Variants in SRSF4 observed in about 807,000 individuals in gnomAD.
The protein encoded by SRSF4 is serine/arginine-rich splicing factor 4.
A neutral mutation model predicts 48.8 loss-of-function variants in SRSF4; 12 were observed. The observed-to-expected ratio is 0.25, with a 90% CI of 0.16 to 0.40. The LOEUF is 0.40. Ranked by LOEUF, SRSF4 falls within the 10% of genes least tolerant of loss-of-function variation. The pLI is 1.00. For missense variants in SRSF4, 466 were observed against 667.1 expected (o/e 0.70, Z 3.32); for synonymous variants, 248 against 232.5 (o/e 1.07, Z -0.61).
chr1:29,154,120 C>T (rs1011679495), intron 4 of SRSF4, among the ~76,000 whole-genome samples: 1 of 152,078 alleles, frequency 6.6e-6, no homozygotes, highest in African/African-American at 2.4e-5. Flanking sequence ...ATGGCACAAT[C>T]TCGGCTCACT....
At chr1:29,166,271 TAA>T (rs767276706) in intron 1 of SRSF4, among the ~76,000 whole-genome samples, 12 of 152,130 alleles carry the variant, frequency 7.9e-5, no homozygotes, top group Non-Finnish European at 1.3e-4. Context: ...TCTTATGAGG[TAA>T]AAAGTCAGGA....
At position 29,154,917 on chromosome 1, in the gene SRSF4, A is replaced by G. The variant is rs919868529; in HGVS notation, c.364-7T>C. ...CTGCCTGACGCATATAATCCTGAAG[A>G]AAAAAAAAAGTGTGACTACATTAGG... is the stretch of plus-strand genomic sequence containing the variant. On this transcript the variant is annotated splice_region_variant and splice_polypyrimidine_tract_variant and intron_variant, in intron 3 of 5. Coordinates refer to ENST00000373795, the MANE Select transcript of SRSF4 (RefSeq NM_005626.5). The G allele has an allele frequency of 1.9e-6, 3 of 1,542,192 alleles. No homozygotes were observed. The highest frequency in any genetic ancestry group is 2.6e-6 in the Non-Finnish European group (3 of 1,134,140).
intron 1 of SRSF4, among the ~76,000 whole-genome samples, chr1:29,178,053 C>G (rs534657566): frequency 6.6e-6 from 1 of 151,986 alleles, no homozygotes; most frequent in African/African-American, 2.4e-5. Context: ...GTGCCCACCA[C>G]CACACCCAGC....
At chr1:29,173,840 T>C (rs1244892793) in intron 1 of SRSF4, among the ~76,000 whole-genome samples, 1 of 151,980 alleles carries the variant, frequency 6.6e-6, no homozygotes, top group Non-Finnish European at 1.5e-5. Flanking sequence ...ATTCTAAACA[T>C]TTTAATTAGA....
chr1:29,148,210 A>T lies in SRSF4; in HGVS notation c.*200T>A. The T allele has an allele frequency of 1.3e-6, 1 of 794,338 alleles. No individual in the cohort carries two copies. Among genetic ancestry groups the T allele is most frequent in the Non-Finnish European group, 2.1e-6 (1 of 472,472 alleles). 49.2% of individuals were successfully genotyped at this position (794,338 alleles called of 1,614,324 possible). A position where few individuals can be genotyped will look rare whatever the true frequency, so the allele number is the denominator to read the frequency against. ...AGTAAAAGGGGATTTTCAAAGAGAAAATTTTTTTCAGTCGAGCAGGAAGGC... is the reference window on the plus strand; with the variant it reads ...AGTAAAAGGGGATTTTCAAAGAGAATATTTTTTTCAGTCGAGCAGGAAGGC... On this transcript the variant is annotated 3_prime_UTR_variant, in exon 6 of 6. Coordinates refer to ENST00000373795, the MANE Select transcript of SRSF4 (RefSeq NM_005626.5).
chr1:29,160,344 A>G, intron 2 of SRSF4, 31 bp downstream of exon 2: 1 of 1,583,546 alleles, frequency 6.3e-7, no homozygotes, highest in Non-Finnish European at 8.6e-7. Context: ...AAAGCACGTT[A>G]CTGATAAAAG....
chr1:29,169,415 T>G (rs917072704), intron 1 of SRSF4: 7 of 152,206 alleles, frequency 4.6e-5, no homozygotes, highest in Non-Finnish European at 1.0e-4. Context: ...GGAAGACAAA[T>G]GCCCACAGGA....
At chr1:29,154,522 C>T in intron 4 of SRSF4, 174 bp downstream of exon 4, 1 of 653,740 alleles carries the variant, frequency 1.5e-6, no homozygotes, top group South Asian at 2.1e-5. Context: ...TATTTGTACT[C>T]ATGACCTAAG....
At chr1:29,149,539 G>GGCAT (rs2151811247) in intron 5 of SRSF4, among the ~76,000 whole-genome samples, 1 of 152,176 alleles carries the variant, frequency 6.6e-6, no homozygotes, top group African/African-American at 2.4e-5. Context: ...AAATTAGCCA[G>GGCAT]GCATGCTGGC....
At chr1:29,167,265 T>C (rs190813603) in intron 1 of SRSF4, among the ~76,000 whole-genome samples, 2 of 152,392 alleles carry the variant, frequency 1.3e-5, no homozygotes, top group South Asian at 2.1e-4. Context: ...ACAAGTTGAA[T>C]TATATCAATC....
intron 1 of SRSF4, among the ~76,000 whole-genome samples, chr1:29,177,632 T>G (rs1286046120): frequency 6.6e-6 from 1 of 152,002 alleles, no homozygotes; most frequent in Non-Finnish European, 1.5e-5. Context: ...TAGGAGACCT[T>G]AATGGGAAAT....
intron 1 of SRSF4, among the ~76,000 whole-genome samples, chr1:29,178,259 T>C (rs556258747): frequency 6.6e-6 from 1 of 152,142 alleles, no homozygotes; most frequent in East Asian, 1.9e-4. Flanking sequence ...GCCTAACATA[T>C]CTACTGATAC....
chr1:29,160,923 T>C (rs986660584), intron 1 of SRSF4, among the ~76,000 whole-genome samples: 5 of 152,234 alleles, frequency 3.3e-5, no homozygotes, highest in African/African-American at 9.6e-5. Context: ...AGAGAACAAT[T>C]AGACCTACAT....
chr1:29,149,210 G>A lies in SRSF4; in HGVS notation c.685C>T (p.Arg229Trp), dbSNP rs1160831046. The change falls in exon 6 of 6, where the codon CGG becomes TGG. Residue 229 changes from arginine (R) to tryptophan (W), a missense_variant. Arg to Trp is a moderately radical substitution (Grantham distance 101, BLOSUM62 -3). This residue lies in a region of SRSF4 where 402 missense variants were observed against 437.0 expected (regional missense o/e 0.92). Transcript: ENST00000373795. ...RSRSRSGSRS[R>W]SKSRSRSQSR... is the part of the protein sequence containing the mutation. ...TGGCTCCGGCTCCGGCTCTTGCTCC[G>A]GGAGCGGGAGCCCGACCTGAGGAGA... The A allele has an allele frequency of 1.5e-5, 24 of 1,608,016 alleles. No individual in the cohort carries two copies. The highest frequency in any genetic ancestry group is 2.7e-5 in the African/African-American group (2 of 74,816).
At position 29,148,733 on chromosome 1, in the gene SRSF4, CCTTGCTGTCTCG is replaced by C; in HGVS notation, c.1150_1161del (p.Arg384_Lys387del). ...TTCTTCTTCTTCTTGCTGCTGCCCG[CCTTGCTGTCTCG>C]CTTGCTGCCTCGCTTTCTGCTCCTC... On this transcript the variant is annotated inframe_deletion, in exon 6 of 6. Transcript: ENST00000373795. The C allele has an allele frequency of 6.2e-7, 1 of 1,613,812 alleles. No homozygotes were observed.
At chr1:29,174,112 C>G (rs1672796207) in intron 1 of SRSF4, among the ~76,000 whole-genome samples, 1 of 151,590 alleles carries the variant, frequency 6.6e-6, no homozygotes, top group Non-Finnish European at 1.5e-5. Context: ...CTGCTTGAAC[C>G]CGGGAGGCAG....
intron 1 of SRSF4, among the ~76,000 whole-genome samples, chr1:29,173,920 G>A (rs895097192): frequency 1.3e-4 from 19 of 151,600 alleles, no homozygotes; most frequent in African/African-American, 4.6e-4. Flanking sequence ...TGGGTGCGGT[G>A]GCTCACGCCT....
chr1:29,161,592 CTTATTTAT>C (rs553751051), intron 1 of SRSF4, among the ~76,000 whole-genome samples: 13 of 152,160 alleles, frequency 8.5e-5, no homozygotes, highest in African/African-American at 1.9e-4. Context: ...TTCCAGTTTA[CTTATTTAT>C]TTATTTATTT....
intron 4 of SRSF4, among the ~76,000 whole-genome samples, 186 bp from the exon 5 acceptor site, chr1:29,150,378 C>T (rs1672391109): frequency 6.6e-6 from 1 of 152,112 alleles, no homozygotes; most frequent in South Asian, 2.1e-4. Context: ...GATTCTCCTG[C>T]CTCAGCCTCC....
Sources: gnomAD v4.1 joint callset for allele counts (sites outside exome capture counted in the v4.1 genomes callset) on GRCh38, gnomAD v4.1.1 for gene constraint, gnomAD v4.1.1 regional missense constraint, MANE v1.5 for transcripts, NCBI Gene and HGNC (gene_info 2026-07-23, HGNC 2026-07-21) for gene names.